Variants in CIZ1 observed in about 807,000 individuals in gnomAD.
The protein encoded by CIZ1 is cip1-interacting zinc finger protein.
CIZ1 carries 58 observed loss-of-function variants against 118.6 expected under a neutral mutation model. That is an observed-to-expected ratio of 0.49 (90% confidence interval 0.40 to 0.61). The LOEUF (loss-of-function observed/expected upper bound fraction) is 0.61. Ranked by LOEUF, CIZ1 falls within the 20% of genes least tolerant of loss-of-function variation. The probability of loss-of-function intolerance (pLI) is 0.00; values close to 1 mark genes in which losing one functional copy is unlikely to be tolerated. For synonymous variants in CIZ1, 448 were observed against 443.4 expected (o/e 1.01, Z -0.13); for missense variants, 921 against 1,115.9 (o/e 0.83, Z 2.49).
chr9:128,193,199 AGGGCCCCGGGGACGTC>A, upstream of CIZ1, among the ~76,000 whole-genome samples: 1 of 152,292 alleles, frequency 6.6e-6, no homozygotes, highest in African/African-American at 2.4e-5. Flanking sequence ...GGTGGCGTCC[AGGGCCCCGGGGACGTC>A]GGCGCCTATG....
At position 128,185,738 on chromosome 9, in the gene CIZ1, C is replaced by A; in HGVS notation, c.397G>T (p.Ala133Ser). The change falls in exon 5 of 17, where the codon GCA becomes TCA. Residue 133 changes from alanine to serine, a missense_variant. Transcript: ENST00000372938. The stretch of plus-strand genomic sequence containing the variant: ...TGTGGGGGTGTGAGGCTGGGGGCTG[C>A]GAGGCCTGGGGATGCCATGCCATAG... ...RGYGMASPGL[A>S]APSLTPPQLA... 3.1e-6 allele frequency: 5 copies of A among 1,612,966 alleles called. No individual in the cohort carries two copies. The highest frequency in any genetic ancestry group is 4.2e-6 in the Non-Finnish European group (5 of 1,179,472).
At chr9:128,189,735 G>A (rs1832887529) in intron 3 of CIZ1, among the ~76,000 whole-genome samples, 1 of 141,234 alleles carries the variant, frequency 7.1e-6, no homozygotes, top group South Asian at 2.3e-4. Flanking sequence ...CAGGAGAATT[G>A]CTTGGACCCG....
rs559665223 is a variant in CIZ1 at position 128,190,595 on chromosome 9, G to A, written c.170+93C>T. ...TGGTGATCTCCAGGACTCAAACGGG[G>A]ATGGCACTGGGAAAAAGGATGGGGA... On this transcript the variant is annotated intron_variant, in intron 2 of 16. Coordinates refer to ENST00000372938, the MANE Select transcript of CIZ1 (RefSeq NM_001131016.2). The A allele has an allele frequency of 6.8e-6, 10 of 1,464,396 alleles. No homozygotes were observed. The Admixed American group carries it at 1.8e-4, about 27-fold the overall frequency. The allele number at this position is 1,464,396 out of a possible 1,614,324, so 90.7% of individuals were successfully genotyped here.
intron 7 of CIZ1, 94 bp from the exon 8 acceptor site, chr9:128,179,509 G>C (rs767920787): frequency 2.9e-4 from 345 of 1,169,716 alleles, no homozygotes; most frequent in Non-Finnish European, 3.9e-4. Context: ...GTGGTGGCTC[G>C]CATCTGTAAA....
Position 128,180,779 on chromosome 9 carries a change from C to T in CIZ1, c.624G>A (p.Lys208=), listed in dbSNP as rs775521412. 6.2e-7 allele frequency: 1 copy of T among 1,611,718 alleles called. No homozygotes were observed. Among genetic ancestry groups the T allele is most frequent in the East Asian group, 2.2e-5 (1 of 44,850 alleles). Residue 208 remains lysine (K), a synonymous_variant, in exon 6 of 17, where the codon AAG becomes AAA. Transcript: ENST00000372938. ...SSSQTMPVED[K]SDPPEGSEEA... is the part of the protein sequence containing the mutation. Reference sequence around the variant, plus strand: ...CCTCAGACCCCTCTGGGGGGTCTGACTTGTCTTCCACAGGCATTGTCTGAG... The same window carrying T: ...CCTCAGACCCCTCTGGGGGGTCTGATTTGTCTTCCACAGGCATTGTCTGAG...
upstream of CIZ1, among the ~76,000 whole-genome samples, chr9:128,194,322 A>ATCG (rs1554765963): frequency 3.7e-5 from 5 of 135,840 alleles, no homozygotes; most frequent in East Asian, 2.2e-4. Context: ...AGATCGTACC[A>ATCG]TTGCACTCCA....
upstream of CIZ1, chr9:128,191,597 G>A (rs994499570): frequency 1.7e-5 from 20 of 1,175,596 alleles, no homozygotes; most frequent in Non-Finnish European, 1.9e-5. This position sits in a 1 kb window ranked among gnomAD's most constrained non-coding sequence, Gnocchi z 5.5. Context: ...GGGGCCGGCC[G>A]GGGCAGCGCC....
intron 5 of CIZ1, 128 bp downstream of exon 5, chr9:128,185,419 A>T: frequency 2.0e-6 from 1 of 508,186 alleles, no homozygotes; most frequent in East Asian, 3.3e-5. Flanking sequence ...CTCATTTTAC[A>T]GATGAGGAAA....
intron 14 of CIZ1, among the ~76,000 whole-genome samples, chr9:128,167,997 C>A (rs1444236837): frequency 1.3e-5 from 2 of 152,198 alleles, no homozygotes; most frequent in African/African-American, 4.8e-5. Flanking sequence ...CCTCATACTA[C>A]CCTGCCTAGG....
chr9:128,184,611 G>A (rs1422530504), intron 5 of CIZ1, among the ~76,000 whole-genome samples: 2 of 150,170 alleles, frequency 1.3e-5, no homozygotes, highest in African/African-American at 2.5e-5. Flanking sequence ...TCCCACCTCA[G>A]CCTCCCAAGT....
At position 128,169,473 on chromosome 9, in the gene CIZ1, TAG is replaced by T; in HGVS notation, c.2076_2077del (p.Tyr693LeufsTer17). On this transcript the variant is annotated frameshift_variant, in exon 13 of 17. Transcript: ENST00000372938. LOFTEE classifies it high-confidence loss of function. Reference sequence around the variant, plus strand: ...CACAAACTTGCGAGGGGTTTTGAAGTAGCGGTTGCAAACGGTGCAGAAGGGTC... The same window carrying T: ...CACAAACTTGCGAGGGGTTTTGAAGTCGGTTGCAAACGGTGCAGAAGGGTC... 1 of 1,614,166 alleles carries T rather than the reference TAG, an allele frequency of 6.2e-7. No homozygotes were observed. Among genetic ancestry groups the T allele is most frequent in the Middle Eastern group, 1.6e-4 (1 of 6,062 alleles).
chr9:128,180,868 C>A, intron 5 of CIZ1, 54 bp from the exon 6 acceptor site: 1 of 1,349,464 alleles, frequency 7.4e-7, no homozygotes, highest in South Asian at 1.2e-5. Context: ...TATCAATACC[C>A]CCTTGCCCAA....
intron 11 of CIZ1, among the ~76,000 whole-genome samples, chr9:128,171,453 C>T (rs1013697165): frequency 4.0e-5 from 6 of 151,600 alleles, no homozygotes; most frequent in Non-Finnish European, 8.8e-5. Flanking sequence ...TAGGGCCGGG[C>T]ACGGTGGCTC....
At position 128,179,174 on chromosome 9, in the gene CIZ1, C is replaced by A. The variant is rs1320624604; in HGVS notation, c.1033G>T (p.Ala345Ser). 3 of 1,614,106 alleles carry A rather than the reference C, an allele frequency of 1.9e-6. No individual in the cohort carries two copies. The highest frequency in any genetic ancestry group is 2.5e-6 in the Non-Finnish European group (3 of 1,180,028). The change falls in exon 8 of 17, where the codon GCG (alanine) becomes TCG (serine). Residue 345 changes from alanine to serine, a missense_variant. Ala to Ser is a moderately conservative substitution (Grantham distance 99). Transcript: ENST00000372938. ...TQVQPKLQKQAQTQTSPEHLV... is the reference protein window; with the variant it reads ...TQVQPKLQKQSQTQTSPEHLV... ...TGCTCTGGAGAGGTCTGTGTTTGCG[C>A]CTGCTTCTGCAGCTTTGGCTGCACC... is the stretch of plus-strand genomic sequence containing the variant.
intron 11 of CIZ1, 44 bp from the exon 12 acceptor site, chr9:128,170,151 G>A (rs376215767): frequency 2.3e-5 from 35 of 1,547,908 alleles, no homozygotes; most frequent in Non-Finnish European, 2.8e-5. Flanking sequence ...ACGCCAGAAA[G>A]ACAGCAGCTG....
chr9:128,178,657 C>T (rs1831173209), intron 8 of CIZ1, 52 bp downstream of exon 8: 8 of 1,588,480 alleles, frequency 5.0e-6, no homozygotes, highest in Non-Finnish European at 6.9e-6. Context: ...AATGAAGGGT[C>T]TGGGCAGAGC....
At chr9:128,188,479 A>T (rs1426747431) in intron 3 of CIZ1, among the ~76,000 whole-genome samples, 1 of 151,870 alleles carries the variant, frequency 6.6e-6, no homozygotes, top group Admixed American at 6.6e-5. Flanking sequence ...TGTGACTTTT[A>T]TTCTTTTGTT....
intron 11 of CIZ1, among the ~76,000 whole-genome samples, chr9:128,173,802 C>T (rs772485163): frequency 3.3e-4 from 50 of 152,020 alleles, no homozygotes; most frequent in Non-Finnish European, 4.9e-4. Context: ...GTCAGGAGAT[C>T]AAGACCATCC....
At chr9:128,177,542 C>CAAAAAA in intron 10 of CIZ1, 24 bp downstream of exon 10, 1 of 1,229,496 alleles carries the variant, frequency 8.1e-7, no homozygotes, top group Non-Finnish European at 1.1e-6. Flanking sequence ...CACCCCTCCC[C>CAAAAAA]ACCCTTATCT....
Sources: allele counts gnomAD v4.1 joint callset (sites outside exome capture counted in the v4.1 genomes callset), GRCh38; gene constraint gnomAD v4.1.1; non-coding constraint Gnocchi (gnomAD v3.1); transcripts MANE v1.5; gene names NCBI Gene and HGNC (gene_info 2026-07-23, HGNC 2026-07-21).